MYO1E: variants seen among roughly 807,000 people sequenced by gnomAD.
MYO1E encodes myosin IE.
Under a neutral mutation model 151.1 loss-of-function variants are expected in MYO1E, and 68 were observed. The ratio of observed to expected loss-of-function variants is 0.45; its 90% CI spans 0.37 to 0.55. MYO1E has a LOEUF of 0.55. Ranked by LOEUF, MYO1E falls within the 20% of genes least tolerant of loss-of-function variation. MYO1E has a pLI of 0.00. For missense variants in MYO1E, 1,363 were observed against 1,389.3 expected (o/e 0.98, Z 0.30); for synonymous variants, 601 against 501.7 (o/e 1.20, Z -2.64).
Position 59,134,600 on chromosome 15 carries a change from G to A in MYO1E, c.*2780C>T, listed in dbSNP as rs1211042337. ...CTAAAGCTTGAACACCTCTACCCTA[G>A]GGTACACAGTCAGGCCTTCTCATTT... is the stretch of plus-strand genomic sequence containing the variant. On this transcript the variant is annotated 3_prime_UTR_variant, in exon 28 of 28. Coordinates refer to ENST00000288235, the MANE Select transcript of MYO1E (RefSeq NM_004998.4). The A allele has an allele frequency of 2.6e-5, 4 of 152,194 alleles. No individual in the cohort carries two copies. Among genetic ancestry groups the A allele is most frequent in the Non-Finnish European group, 5.9e-5 (4 of 68,054 alleles). The allele number at this position is 152,194 out of a possible 1,614,324, so 9.4% of individuals were successfully genotyped here. A position where few individuals can be genotyped will look rare whatever the true frequency, so the allele number is the denominator to read the frequency against.
intron 4 of MYO1E, among the ~76,000 whole-genome samples, chr15:59,247,179 G>C (rs773818839): frequency 1.3e-5 from 2 of 152,330 alleles, no homozygotes; most frequent in Middle Eastern, 3.4e-3. Context: ...CTAGGTGACA[G>C]AGCGAGACTC....
intron 1 of MYO1E, among the ~76,000 whole-genome samples, chr15:59,324,670 C>CCCCCG (rs1555420289): frequency 1.3e-5 from 2 of 151,584 alleles, no homozygotes; most frequent in Non-Finnish European, 2.9e-5. Flanking sequence ...CAAGCCCCCC[C>CCCCCG]CCCACAGAGG....
At chr15:59,218,767 G>A (rs1204734331) in intron 9 of MYO1E, among the ~76,000 whole-genome samples, 1 of 152,202 alleles carries the variant, frequency 6.6e-6, no homozygotes, top group Non-Finnish European at 1.5e-5. Context: ...ACTTGCTGGG[G>A]TAGTCAAGAG....
intron 1 of MYO1E, among the ~76,000 whole-genome samples, chr15:59,340,667 C>G (rs570569766): frequency 7.6e-4 from 115 of 152,144 alleles, no homozygotes; most frequent in African/African-American, 2.6e-3. Context: ...CATTTAATGT[C>G]CAAAGTAAAA....
chr15:59,286,619 G>T (rs138463789), intron 1 of MYO1E, among the ~76,000 whole-genome samples: 4 of 152,254 alleles, frequency 2.6e-5, no homozygotes, highest in African/African-American at 9.6e-5. Context: ...CTTTGTTGTG[G>T]GTTTGCTATA....
rs1160180310 is a variant in MYO1E at position 59,153,914 on chromosome 15, C to T, written c.2879-123G>A. On this transcript the variant is annotated intron_variant, in intron 25 of 27. Coordinates refer to ENST00000288235, the MANE Select transcript of MYO1E (RefSeq NM_004998.4). ...CTTAACTTCTGAGTCTCAATTTCCG[C>T]ATTTGAAAAAAATGGAAGGCATCAC... The T allele has an allele frequency of 3.4e-5, 31 of 910,084 alleles. 1 individual carries two copies. In the South Asian group the frequency reaches 4.3e-4, roughly 13 times the overall value. 56.4% of individuals were successfully genotyped at this position (910,084 alleles called of 1,614,324 possible).
intron 23 of MYO1E, among the ~76,000 whole-genome samples, chr15:59,162,092 A>G (rs992951333): frequency 1.5e-4 from 23 of 152,178 alleles, no homozygotes; most frequent in African/African-American, 5.5e-4. Context: ...GCTGGCGTGC[A>G]GTGGTGCGGT....
chr15:59,216,666 G>GTGTGTGTGTGTGTGTGTGTATATA (rs777094542), intron 10 of MYO1E, among the ~76,000 whole-genome samples: 1 of 30,884 alleles, frequency 3.2e-5, no homozygotes, highest in Non-Finnish European at 7.0e-5. Flanking sequence ...GTGTGTATGT[G>GTGTGTGTGTGTGTGTGTGTATATA]TATATATATA....
intron 26 of MYO1E, among the ~76,000 whole-genome samples, chr15:59,144,573 G>A (rs1238671129): frequency 6.6e-6 from 1 of 152,088 alleles, no homozygotes; most frequent in African/African-American, 2.4e-5. Context: ...GGGATTACAG[G>A]TGTAAGCCAC....
intron 1 of MYO1E, among the ~76,000 whole-genome samples, chr15:59,321,623 C>T (rs1375289108): frequency 6.6e-6 from 1 of 152,146 alleles, no homozygotes; most frequent in Non-Finnish European, 1.5e-5. Flanking sequence ...AAAGTGGGAG[C>T]TAAACATTGG....
intron 1 of MYO1E, among the ~76,000 whole-genome samples, chr15:59,327,338 T>C (rs75184940): frequency 7.6e-6 from 1 of 131,168 alleles, no homozygotes; most frequent in Admixed American, 7.6e-5. Context: ...TTTTTTTTTT[T>C]ATTTCAGAGA....
chr15:59,303,052 C>T (rs1022665529), intron 1 of MYO1E, among the ~76,000 whole-genome samples: 1 of 152,150 alleles, frequency 6.6e-6, no homozygotes, highest in African/African-American at 2.4e-5. Context: ...GGTTCCCACA[C>T]AGAAGAAAAT....
chr15:59,272,228 A>C (rs762001112), intron 2 of MYO1E, 78 bp downstream of exon 2: 387 of 1,547,304 alleles, frequency 2.5e-4, no homozygotes, highest in Non-Finnish European at 3.0e-4. Context: ...GAGCCACTGC[A>C]CCCAGCATAA....
intron 17 of MYO1E, among the ~76,000 whole-genome samples, chr15:59,189,032 A>G (rs2079716561): frequency 6.6e-6 from 1 of 152,198 alleles, no homozygotes; most frequent in African/African-American, 2.4e-5. Flanking sequence ...AAATATATCT[A>G]AATTATAGTT....
At chr15:59,263,811 G>C (rs1566995701) in intron 2 of MYO1E, among the ~76,000 whole-genome samples, 1 of 152,190 alleles carries the variant, frequency 6.6e-6, no homozygotes, top group Admixed American at 6.5e-5. Flanking sequence ...GAAAATTACT[G>C]AAGAGTTATG....
In MYO1E at chr15:59,231,741, C is replaced by A; in HGVS notation, c.471G>T (p.Gly157=). 1 of 1,614,030 alleles carries A rather than the reference C, an allele frequency of 6.2e-7. No homozygotes were observed. The highest frequency in any genetic ancestry group is 8.5e-7 in the Non-Finnish European group (1 of 1,180,032). ...TGTTGTTCCGGACGGTCTTGGCGTT[C>A]CCGAAGGCCTCCAGCAGCGGGTTGG... is the stretch of plus-strand genomic sequence containing the variant. ...LQSNPLLEAF[G]NAKTVRNNNS... Residue 157 remains glycine, a synonymous_variant, in exon 6 of 28, where the codon GGG becomes GGT. Coordinates refer to ENST00000288235, the MANE Select transcript of MYO1E (RefSeq NM_004998.4).
chr15:59,214,286 T>C lies in MYO1E; in HGVS notation c.1217A>G (p.Asn406Ser). 1 of 1,612,612 alleles carries C rather than the reference T, an allele frequency of 6.2e-7. No individual in the cohort carries two copies. ...QKNGFEQFCI[N>S]FVNEKLQQIF... ...CTGCTGCAGTTTTTCATTAACAAAA[T>C]TGATACAAAACTGTTCAAAGCCATT... is the stretch of plus-strand genomic sequence containing the variant. The change falls in exon 12 of 28, where the codon AAT (asparagine) becomes AGT (serine). Residue 406 changes from asparagine to serine, a missense_variant. Physicochemically the swap from Asn to Ser is conservative, Grantham distance 46. Transcript: ENST00000288235.
intron 4 of MYO1E, among the ~76,000 whole-genome samples, chr15:59,242,508 A>T (rs2080106028): frequency 6.6e-6 from 1 of 152,240 alleles, no homozygotes; most frequent in Non-Finnish European, 1.5e-5. Context: ...TAAACGAGTC[A>T]ATCAGTAAAT....
intron 1 of MYO1E, among the ~76,000 whole-genome samples, chr15:59,337,456 T>C (rs1476178128): frequency 6.6e-6 from 1 of 152,240 alleles, no homozygotes; most frequent in Non-Finnish European, 1.5e-5. Context: ...TATTCTGTTC[T>C]ACAATTTCGC....
Sources: gnomAD v4.1 joint callset for allele counts (sites outside exome capture counted in the v4.1 genomes callset) on GRCh38, gnomAD v4.1.1 for gene constraint, MANE v1.5 for transcripts, NCBI Gene and HGNC (gene_info 2026-07-23, HGNC 2026-07-21) for gene names.